The following PRELID2 variants were observed in gnomAD, a reference collection of about 807,000 sequenced individuals.
The protein encoded by PRELID2 is PRELI domain containing 2, also known as PRELI domain-containing protein 2.
Under a neutral mutation model 28.4 loss-of-function variants are expected in PRELID2, and 25 were observed. That is an observed-to-expected ratio of 0.88 (90% CI 0.64 to 1.23). The LOEUF (loss-of-function observed/expected upper bound fraction) is 1.23. Ranked by LOEUF, PRELID2 falls within the 50% of genes most tolerant of loss-of-function variation. The probability of loss-of-function intolerance (pLI) is 0.00; values close to 1 mark genes in which losing one functional copy is unlikely to be tolerated. For synonymous variants in PRELID2, 76 were observed against 71.6 expected (o/e 1.06, Z -0.31); for missense variants, 201 against 214.4 (o/e 0.94, Z 0.39).
At chr5:145,502,214 A>C (rs1752365719) in intron 1 of PRELID2, among the ~76,000 whole-genome samples, 1 of 152,124 alleles carries the variant, frequency 6.6e-6, no homozygotes, top group Non-Finnish European at 1.5e-5. Context: ...ATGGCACTTC[A>C]CATGGCTGGA....
intron 1 of PRELID2, among the ~76,000 whole-genome samples, chr5:145,696,404 A>G (rs1329734854): frequency 2.0e-5 from 3 of 152,212 alleles, no homozygotes; most frequent in Non-Finnish European, 2.9e-5. Context: ...TCGTTCGTTC[A>G]TTCATTAATT....
intron 5 of PRELID2, among the ~76,000 whole-genome samples, chr5:145,790,733 A>G (rs1381636617): frequency 3.1e-5 from 4 of 130,420 alleles, no homozygotes; most frequent in East Asian, 4.4e-4. Flanking sequence ...ATATATATAT[A>G]TATATATATA....
chr5:145,474,267 G>A (rs533400195), intron 1 of PRELID2, among the ~76,000 whole-genome samples: 15 of 152,248 alleles, frequency 9.9e-5, no homozygotes, highest in East Asian at 3.9e-4. Flanking sequence ...TAAAACATTC[G>A]TTACATGCAA....
the PRELID2 span, among the ~76,000 whole-genome samples, chr5:145,241,356 A>G: frequency 6.6e-6 from 1 of 152,162 alleles, no homozygotes; most frequent in African/African-American, 2.4e-5. Context: ...ATCACAAGAT[A>G]AAAGGAGCCT....
At chr5:145,293,522 G>A in the PRELID2 span, among the ~76,000 whole-genome samples, 332 of 152,242 alleles carry the variant, frequency 2.2e-3, 2 homozygotes, top group African/African-American at 7.7e-3. Context: ...AGGCATAAAA[G>A]CTCAGGTCTA....
At chr5:145,238,208 T>C in the PRELID2 span, among the ~76,000 whole-genome samples, 1 of 152,152 alleles carries the variant, frequency 6.6e-6, no homozygotes, top group Non-Finnish European at 1.5e-5. Flanking sequence ...ATTTTTGCTA[T>C]ACATTTCTAT....
At chr5:145,691,373 A>C (rs1486446635) in intron 1 of PRELID2, among the ~76,000 whole-genome samples, 1 of 152,196 alleles carries the variant, frequency 6.6e-6, no homozygotes, top group Non-Finnish European at 1.5e-5. Flanking sequence ...AAATGAATCA[A>C]TCAAGCCTAA....
At chr5:145,702,246 A>G (rs945502119) in intron 1 of PRELID2, among the ~76,000 whole-genome samples, 4 of 152,130 alleles carry the variant, frequency 2.6e-5, no homozygotes, top group African/African-American at 9.7e-5. Context: ...TCATCTGAGT[A>G]TGGTGTTCAA....
chr5:145,606,930 T>C (rs1753513164), intron 1 of PRELID2, among the ~76,000 whole-genome samples: 1 of 152,078 alleles, frequency 6.6e-6, no homozygotes, highest in Non-Finnish European at 1.5e-5. Context: ...AACTCATTAG[T>C]GGCTTTTCAG....
intron 1 of PRELID2, among the ~76,000 whole-genome samples, chr5:145,606,482 T>C (rs1753506213): frequency 1.3e-5 from 2 of 152,202 alleles, no homozygotes; most frequent in Non-Finnish European, 2.9e-5. Flanking sequence ...CATGAAGGGA[T>C]GTTGAATTTT....
intron 1 of PRELID2, among the ~76,000 whole-genome samples, chr5:145,613,104 TA>T (rs1263784043): frequency 1.3e-5 from 2 of 152,154 alleles, no homozygotes; most frequent in African/African-American, 4.8e-5. Context: ...CACTGAAAGG[TA>T]CAAGTGTCCC....
chr5:145,410,771 T>C, the PRELID2 span, among the ~76,000 whole-genome samples: 5 of 152,026 alleles, frequency 3.3e-5, no homozygotes, highest in Non-Finnish European at 7.4e-5. Context: ...CATATCATTC[T>C]GCCACTGCAC....
At chr5:145,349,353 C>T in the PRELID2 span, among the ~76,000 whole-genome samples, 11 of 152,034 alleles carry the variant, frequency 7.2e-5, no homozygotes, top group African/African-American at 2.7e-4. Flanking sequence ...GCCATTATGG[C>T]TGCAAGAATT....
chr5:145,453,385 T>C, the PRELID2 span, among the ~76,000 whole-genome samples: 2 of 152,202 alleles, frequency 1.3e-5, no homozygotes, highest in South Asian at 2.1e-4. Context: ...TTAGAGCATC[T>C]GTTTATCTCA....
chr5:145,820,119 TTTTG>T (rs778779914), intron 2 of PRELID2, 101 bp from the exon 3 acceptor site: 35,769 of 200,214 alleles, frequency 0.18, 11 homozygotes, highest in Non-Finnish European at 0.25. Flanking sequence ...GTTTTTTGTT[TTTTG>T]TTTTTTTTTT....
chr5:145,313,229 G>A, the PRELID2 span, among the ~76,000 whole-genome samples: 1 of 152,108 alleles, frequency 6.6e-6, no homozygotes, highest in East Asian at 1.9e-4. Context: ...AGGCATTTAT[G>A]CTGACAATTC....
At chr5:145,608,115 T>C (rs949495560) in intron 1 of PRELID2, among the ~76,000 whole-genome samples, 3 of 152,112 alleles carry the variant, frequency 2.0e-5, no homozygotes, top group South Asian at 2.1e-4. Flanking sequence ...TAGATTTTTC[T>C]CCATCTCTTT....
At chr5:145,268,848 A>G in the PRELID2 span, among the ~76,000 whole-genome samples, 1 of 152,168 alleles carries the variant, frequency 6.6e-6, no homozygotes, top group Admixed American at 6.6e-5. Flanking sequence ...AGATCATAGA[A>G]TATAAAGTCA....
chr5:145,694,641 A>C (rs1422157091), intron 1 of PRELID2, among the ~76,000 whole-genome samples: 1 of 152,150 alleles, frequency 6.6e-6, no homozygotes, highest in African/African-American at 2.4e-5. Context: ...GTTTTTTAAT[A>C]ATTTATTTCA....
Sources: gnomAD v4.1 joint callset for allele counts (sites outside exome capture counted in the v4.1 genomes callset) on GRCh38, gnomAD v4.1.1 for gene constraint, MANE v1.5 for transcripts, NCBI Gene and HGNC (gene_info 2026-07-23, HGNC 2026-07-21) for gene names.